WWOX: variants seen among roughly 807,000 people sequenced by gnomAD.
WWOX encodes WW domain containing oxidoreductase, also known as WW domain-containing oxidoreductase.
WWOX carries 69 observed loss-of-function variants against 46.2 expected under a neutral mutation model. The observed-to-expected ratio is 1.49, with a 90% CI of 1.23 to 1.82. WWOX has a LOEUF of 1.82. Among genes scored for constraint, WWOX ranks in the 40% most tolerant of loss-of-function variants. The probability of loss-of-function intolerance (pLI) is 0.00; values close to 1 mark genes in which losing one functional copy is unlikely to be tolerated. For missense variants in WWOX, 919 were observed against 542.6 expected (o/e 1.69, Z -6.89); for synonymous variants, 359 against 202.6 (o/e 1.77, Z -6.56).
chr16:78,594,243 A>T (rs958421383), intron 8 of WWOX, among the ~76,000 whole-genome samples: 5 of 151,946 alleles, frequency 3.3e-5, no homozygotes, highest in African/African-American at 1.2e-4. Flanking sequence ...TTGTGTGTGC[A>T]TCAATTCATA....
chr16:79,125,416 G>T (rs993762833), intron 8 of WWOX, among the ~76,000 whole-genome samples: 2 of 152,202 alleles, frequency 1.3e-5, no homozygotes, highest in Admixed American at 1.3e-4. Flanking sequence ...AGCCTTTGAA[G>T]AGAGTGCATT....
chr16:78,412,265 A>T (rs2082699186), intron 6 of WWOX, among the ~76,000 whole-genome samples: 1 of 152,184 alleles, frequency 6.6e-6, no homozygotes, highest in South Asian at 2.1e-4. Flanking sequence ...CCATTACAGA[A>T]ATAAAGGGTA....
intron 8 of WWOX, among the ~76,000 whole-genome samples, chr16:79,053,713 A>G (rs757801607): frequency 4.0e-4 from 61 of 152,208 alleles, no homozygotes; most frequent in Non-Finnish European, 1.6e-4. Flanking sequence ...TCTCATCAGT[A>G]AGTGCAATTT....
At chr16:78,610,040 T>C (rs2045862843) in intron 8 of WWOX, among the ~76,000 whole-genome samples, 1 of 136,936 alleles carries the variant, frequency 7.3e-6, no homozygotes, top group Admixed American at 8.3e-5. Context: ...ATCCGCTGAA[T>C]GTCCGATTGC....
chr16:78,823,372 C>G (rs1014908530), intron 8 of WWOX, among the ~76,000 whole-genome samples: 2 of 152,158 alleles, frequency 1.3e-5, no homozygotes, highest in African/African-American at 2.4e-5. Flanking sequence ...GACTCCCACC[C>G]CATCCCATCA....
chr16:78,455,896 T>C (rs1597110102), intron 8 of WWOX, among the ~76,000 whole-genome samples: 1 of 152,180 alleles, frequency 6.6e-6, no homozygotes, highest in Non-Finnish European at 1.5e-5. Flanking sequence ...TTTTACATTA[T>C]TTTAACTAGT....
chr16:78,959,738 C>G (rs941501821), intron 8 of WWOX, among the ~76,000 whole-genome samples: 5 of 152,290 alleles, frequency 3.3e-5, no homozygotes, highest in Admixed American at 2.6e-4. Flanking sequence ...AGGAGCCTTT[C>G]CATGACCAAA....
chr16:78,865,957 A>G (rs974340881), intron 8 of WWOX, among the ~76,000 whole-genome samples: 5 of 152,246 alleles, frequency 3.3e-5, no homozygotes, highest in African/African-American at 9.6e-5. Flanking sequence ...GGTTTTAACA[A>G]TAATGGTTTT....
intron 8 of WWOX, among the ~76,000 whole-genome samples, chr16:78,886,862 G>A (rs2044469487): frequency 6.6e-6 from 1 of 151,998 alleles, no homozygotes; most frequent in South Asian, 2.1e-4. Flanking sequence ...AGAGTCTTAT[G>A]GGATTGTGAT....
intron 8 of WWOX, among the ~76,000 whole-genome samples, chr16:78,822,479 GC>G (rs11300884): frequency 0.65 from 99,133 of 151,946 alleles, 32,419 homozygotes; most frequent in Admixed American, 0.7. Flanking sequence ...GAGAGACAGA[GC>G]CGAGACTCTG....
chr16:78,579,227 G>A (rs532329156), intron 8 of WWOX, among the ~76,000 whole-genome samples: 20 of 152,114 alleles, frequency 1.3e-4, no homozygotes, highest in Non-Finnish European at 2.6e-4. Context: ...GAAAAGGCAG[G>A]TTTTGCTTTG....
intron 8 of WWOX, chr16:78,503,652 C>A (rs1406143948): frequency 6.6e-6 from 1 of 152,154 alleles, no homozygotes; most frequent in Admixed American, 6.5e-5. Context: ...TCACAAGGTG[C>A]AAACACTTAC....
intron 5 of WWOX, among the ~76,000 whole-genome samples, chr16:78,369,920 G>A (rs12922482): frequency 0.5 from 76,063 of 151,062 alleles, 20,782 homozygotes; most frequent in Non-Finnish European, 0.62. Flanking sequence ...ATCACATAAG[G>A]CCAGGAGTTT....
chr16:78,891,788 A>G (rs1410160984), intron 8 of WWOX: 3 of 152,354 alleles, frequency 2.0e-5, no homozygotes, highest in South Asian at 2.1e-4. Context: ...TTCTAAGAGC[A>G]CTGAAATGTC....
At chr16:79,091,779 G>GTTTTTTT (rs11329411) in intron 8 of WWOX, among the ~76,000 whole-genome samples, 4 of 109,130 alleles carry the variant, frequency 3.7e-5, no homozygotes, top group African/African-American at 7.5e-5. Flanking sequence ...TCTTTTCTTT[G>GTTTTTTT]TTTTTTTTTT....
intron 8 of WWOX, among the ~76,000 whole-genome samples, chr16:78,636,091 T>C (rs1454085149): frequency 6.6e-6 from 1 of 152,172 alleles, no homozygotes; most frequent in African/African-American, 2.4e-5. Flanking sequence ...ACTCTAGTAG[T>C]GATTAAAATG....
chr16:78,765,503 A>G (rs1404447099), intron 8 of WWOX, among the ~76,000 whole-genome samples: 1 of 152,056 alleles, frequency 6.6e-6, no homozygotes, highest in South Asian at 2.1e-4. Flanking sequence ...ACATGGTGAA[A>G]CCCCATCTCT....
chr16:78,926,943 C>G (rs945991860), intron 8 of WWOX, among the ~76,000 whole-genome samples: 1 of 152,084 alleles, frequency 6.6e-6, no homozygotes, highest in African/African-American at 2.4e-5. Flanking sequence ...AGCACAGGCA[C>G]CAGCAATGAC....
intron 8 of WWOX, among the ~76,000 whole-genome samples, chr16:79,162,146 G>C (rs2050498683): frequency 6.6e-6 from 1 of 152,164 alleles, no homozygotes; most frequent in Non-Finnish European, 1.5e-5. Flanking sequence ...AAGGGTGCCT[G>C]GTTTTGCACA....
Sources: allele counts gnomAD v4.1 joint callset (sites outside exome capture counted in the v4.1 genomes callset), GRCh38; gene constraint gnomAD v4.1.1; transcripts MANE v1.5; gene names NCBI Gene and HGNC (gene_info 2026-07-23, HGNC 2026-07-21).